Variants in DCC observed in about 807,000 individuals in gnomAD.
DCC encodes the protein netrin receptor DCC.
Under a neutral mutation model 172.5 loss-of-function variants are expected in DCC, and 58 were observed. The observed-to-expected ratio is 0.34, with a 90% CI of 0.27 to 0.42. DCC has a LOEUF of 0.42. Ranked by LOEUF, DCC falls within the 10% of genes least tolerant of loss-of-function variation. The probability of loss-of-function intolerance (pLI) is 1.00; values close to 1 mark genes in which losing one functional copy is unlikely to be tolerated. For missense variants in DCC, 1,740 were observed against 1,791.0 expected (o/e 0.97, Z 0.51); for synonymous variants, 709 against 644.5 (o/e 1.10, Z -1.52).
At chr18:53,038,889 A>G (rs8087273) in intron 5 of DCC, among the ~76,000 whole-genome samples, 16,291 of 151,092 alleles carry the variant, frequency 0.11, 1,217 homozygotes, top group East Asian at 0.38. Context: ...TTGGATTAGT[A>G]GAAATGCATT....
chr18:52,757,750 G>T (rs973081169), intron 2 of DCC, among the ~76,000 whole-genome samples: 3 of 152,066 alleles, frequency 2.0e-5, no homozygotes, highest in Admixed American at 1.3e-4. Flanking sequence ...AGCAGTTTCT[G>T]CTTCAGAAAG....
chr18:53,158,988 C>CAAAAAA (rs558049091), intron 8 of DCC, among the ~76,000 whole-genome samples: 12 of 52,358 alleles, frequency 2.3e-4, no homozygotes, highest in African/African-American at 2.4e-4. Context: ...GACGCCATCT[C>CAAAAAA]AAAAAAAAAA....
intron 5 of DCC, among the ~76,000 whole-genome samples, chr18:53,021,774 C>A (rs2041885004): frequency 6.6e-6 from 1 of 152,126 alleles, no homozygotes; most frequent in Non-Finnish European, 1.5e-5. Flanking sequence ...TGTAGGCTGG[C>A]CTAATAAGAA....
At chr18:53,002,648 ATATT>A (rs140854233) in intron 5 of DCC, among the ~76,000 whole-genome samples, 49,494 of 151,562 alleles carry the variant, frequency 0.33, 9,101 homozygotes, top group Non-Finnish European at 0.43. Flanking sequence ...CACATGCCAG[ATATT>A]TATTTATTTA....
chr18:53,473,463 T>C (rs1487395321), intron 25 of DCC, among the ~76,000 whole-genome samples: 1 of 152,212 alleles, frequency 6.6e-6, no homozygotes, highest in Non-Finnish European at 1.5e-5. Context: ...TAGAATGTCA[T>C]CTAACAAAAT....
At chr18:52,421,248 A>T (rs1307505987) in intron 1 of DCC, among the ~76,000 whole-genome samples, 1 of 152,162 alleles carries the variant, frequency 6.6e-6, no homozygotes, top group Non-Finnish European at 1.5e-5. Context: ...TGCCTCTCAG[A>T]AATCATGTAG....
At chr18:52,567,229 C>A (rs572001653) in intron 1 of DCC, among the ~76,000 whole-genome samples, 1 of 151,964 alleles carries the variant, frequency 6.6e-6, no homozygotes, top group Non-Finnish European at 1.5e-5. Context: ...TTTTAGAAAC[C>A]AATTTGATAT....
intron 5 of DCC, among the ~76,000 whole-genome samples, chr18:53,058,645 A>C (rs1276410261): frequency 1.3e-5 from 2 of 152,156 alleles, no homozygotes; most frequent in Non-Finnish European, 2.9e-5. Flanking sequence ...AATTGGGTAA[A>C]CTTTATTTGT....
At chr18:52,860,958 A>T (rs548966184) in intron 2 of DCC, among the ~76,000 whole-genome samples, 30 of 148,960 alleles carry the variant, frequency 2.0e-4, no homozygotes, top group Non-Finnish European at 3.3e-4. Context: ...GTGAGCTGGG[A>T]TCTCACCACT....
chr18:52,933,288 C>T (rs1269380593), intron 5 of DCC, among the ~76,000 whole-genome samples: 1 of 151,854 alleles, frequency 6.6e-6, no homozygotes, highest in Non-Finnish European at 1.5e-5. Flanking sequence ...ATCCAAGCCT[C>T]AAGGATAGGT....
chr18:53,184,178 C>T (rs1355471401), intron 9 of DCC, among the ~76,000 whole-genome samples: 1 of 152,034 alleles, frequency 6.6e-6, no homozygotes, highest in Non-Finnish European at 1.5e-5. Context: ...ATACAGTCAG[C>T]ACATTTACAT....
chr18:52,851,265 T>C (rs1256117112), intron 2 of DCC, among the ~76,000 whole-genome samples: 1 of 152,118 alleles, frequency 6.6e-6, no homozygotes, highest in East Asian at 1.9e-4. Flanking sequence ...TCATTCTTGG[T>C]GTTTATTCAA....
chr18:52,676,364 C>G (rs1170896049), intron 1 of DCC, among the ~76,000 whole-genome samples: 1 of 152,164 alleles, frequency 6.6e-6, no homozygotes, highest in East Asian at 1.9e-4. Flanking sequence ...GTGTCTACCA[C>G]TATTTTTAGG....
intron 2 of DCC, among the ~76,000 whole-genome samples, chr18:52,754,991 TTTGA>T (rs1452981089): frequency 5.9e-5 from 9 of 152,144 alleles, no homozygotes. Flanking sequence ...GTGTCTGAAA[TTTGA>T]TTGATGAGTA....
rs1203759560 is a variant in DCC at position 52,703,920 on chromosome 18, G to A, written c.92-48134G>A. Among the ~76,000 whole-genome samples, 3 of 151,948 alleles carry A rather than the reference G, an allele frequency of 2.0e-5. No homozygotes were observed. The East Asian group carries it at 5.8e-4, about 29-fold the overall frequency. ...CCAGGGATCTGTGACTGAATCCAGG[G>A]GATCTGATTTTGTCTCCATTTCCCA... On this transcript the variant is annotated intron_variant, in intron 1 of 28. Coordinates refer to ENST00000442544, the MANE Select transcript of DCC (RefSeq NM_005215.4).
At chr18:52,424,339 C>G (rs1452601677) in intron 1 of DCC, among the ~76,000 whole-genome samples, 2 of 152,060 alleles carry the variant, frequency 1.3e-5, no homozygotes, top group African/African-American at 4.8e-5. Context: ...GGATCAGAAC[C>G]AGCACCTTTC....
At chr18:52,359,576 T>A (rs762767665) in intron 1 of DCC, among the ~76,000 whole-genome samples, 1 of 152,136 alleles carries the variant, frequency 6.6e-6, no homozygotes, top group Non-Finnish European at 1.5e-5. Context: ...CTCTGGAAAG[T>A]AGGAGTGAGG....
intron 1 of DCC, among the ~76,000 whole-genome samples, chr18:52,578,950 C>T (rs939423139): frequency 6.6e-6 from 1 of 152,150 alleles, no homozygotes; most frequent in Admixed American, 6.5e-5. Context: ...CACTGCACTC[C>T]AGCCCAGCAA....
intron 1 of DCC, among the ~76,000 whole-genome samples, chr18:52,451,755 C>A (rs1174453569): frequency 6.6e-6 from 1 of 152,006 alleles, no homozygotes; most frequent in African/African-American, 2.4e-5. Flanking sequence ...TGGTCAAGAA[C>A]TGAGTCGGCT....
Sources: allele counts gnomAD v4.1 joint callset (sites outside exome capture counted in the v4.1 genomes callset), GRCh38; gene constraint gnomAD v4.1.1; transcripts MANE v1.5; gene names NCBI Gene and HGNC (gene_info 2026-07-23, HGNC 2026-07-21).